Variants in AGAP1 observed in about 807,000 individuals in gnomAD.
AGAP1 encodes the protein arf-GAP with GTPase, ANK repeat and PH domain-containing protein 1.
Under a neutral mutation model 105.3 loss-of-function variants are expected in AGAP1, and 29 were observed. That is an observed-to-expected ratio of 0.28 (90% confidence interval 0.21 to 0.38). The LOEUF is 0.38. AGAP1 is among the 10% of genes least tolerant of loss of function. The probability of loss-of-function intolerance (pLI) is 1.00; values close to 1 mark genes in which losing one functional copy is unlikely to be tolerated. For missense variants in AGAP1, 998 were observed against 1,165.1 expected, an observed-to-expected ratio of 0.86 and a Z score of 2.09; for synonymous variants, 509 against 485.9, an observed-to-expected ratio of 1.05 and a Z score of -0.63.
rs2054049309 is a variant in AGAP1, at chr2:235,958,608, A to T, written c.1484-9854A>T. 6.6e-6 allele frequency among the ~76,000 whole-genome samples: 1 copy of T among 152,138 alleles called. No individual in the cohort carries two copies. On this transcript the variant is annotated intron_variant, in intron 12 of 17. Transcript: ENST00000304032. This position sits in a 1 kb window ranked among gnomAD's most constrained non-coding sequence, Gnocchi z 4.1. The stretch of plus-strand genomic sequence containing the variant: ...CAGCTAATGATCGGCTGGGCAGATA[A>T]TCGGAGGAGAGTTAATTGTAAGGTT...
intron 1 of AGAP1, among the ~76,000 whole-genome samples, chr2:235,534,960 C>T (rs757664153): frequency 7.2e-5 from 11 of 152,166 alleles, no homozygotes; most frequent in Admixed American, 5.9e-4. Context: ...AAGCGAGTGA[C>T]AGTGGGAAGC....
chr2:235,771,209 G>A (rs932332065), intron 6 of AGAP1, among the ~76,000 whole-genome samples: 1 of 152,204 alleles, frequency 6.6e-6, no homozygotes, highest in African/African-American at 2.4e-5. Context: ...AGTTTCTGTT[G>A]GGCCACTGGG....
chr2:236,094,657 G>A (rs929901608), intron 16 of AGAP1, among the ~76,000 whole-genome samples: 13 of 151,922 alleles, frequency 8.6e-5, no homozygotes, highest in African/African-American at 3.1e-4. Context: ...AGTGAGAGCT[G>A]GAGAAATTTT....
intron 1 of AGAP1, among the ~76,000 whole-genome samples, chr2:235,497,798 G>A (rs542296761): frequency 5.3e-5 from 8 of 152,098 alleles, no homozygotes; most frequent in Non-Finnish European, 1.2e-4. Flanking sequence ...GGGTTTCATT[G>A]TGTTAGCCGG....
intron 9 of AGAP1, among the ~76,000 whole-genome samples, chr2:235,838,151 A>T (rs1379673735): frequency 6.6e-6 from 1 of 152,158 alleles, no homozygotes; most frequent in Non-Finnish European, 1.5e-5. Context: ...GTGCCACTGC[A>T]CTCCAGCCTG....
chr2:235,993,820 G>A lies in AGAP1; in HGVS notation c.1645+25197G>A, dbSNP rs1006291701. Among the ~76,000 whole-genome samples the A allele has an allele frequency of 2.0e-5, 3 of 152,146 alleles. No homozygotes were observed. The highest frequency in any genetic ancestry group is 7.2e-5 in the African/African-American group (3 of 41,422). On this transcript the variant is annotated intron_variant, in intron 13 of 17. Coordinates refer to ENST00000304032, the MANE Select transcript of AGAP1 (RefSeq NM_001037131.3). The surrounding 1 kb of genome is among the most constrained non-coding windows in gnomAD (Gnocchi z 5.0). ...CTGGGGAGCACAGGTGTGTCCTCAC[G>A]TGCGCTTGGAGAAAGTGGAGTTTTA...
chr2:235,551,728 T>C lies in AGAP1; in HGVS notation c.163+56879T>C, dbSNP rs1287912172. 1.3e-5 allele frequency among the ~76,000 whole-genome samples: 2 copies of C among 152,222 alleles called. No individual in the cohort carries two copies. Among genetic ancestry groups the C allele is most frequent in the Non-Finnish European group, 2.9e-5 (2 of 68,034 alleles). On this transcript the variant is annotated intron_variant, in intron 1 of 17. Coordinates refer to ENST00000304032, the MANE Select transcript of AGAP1 (RefSeq NM_001037131.3). The surrounding 1 kb of genome is among the most constrained non-coding windows in gnomAD (Gnocchi z 4.8). The stretch of plus-strand genomic sequence containing the variant: ...TGAGCATTTGTGAGTGGAGCATCTT[T>C]AGGGAAAGCAGGACAAACCCTAAAA...
At position 235,659,995 on chromosome 2, in the gene AGAP1, CTCTG is replaced by C. The variant is rs773658442; in HGVS notation, c.164-49179_164-49176del. ...ATGGGCCCCTCAAGGCTGTAGACCC[CTCTG>C]TCTGACCAGCATCCCATTCCCTGAA... On this transcript the variant is annotated intron_variant, in intron 1 of 17. Transcript: ENST00000304032. This position sits in a 1 kb window ranked among gnomAD's most constrained non-coding sequence, Gnocchi z 5.0. Among the ~76,000 whole-genome samples, 1 of 152,250 alleles carries C rather than the reference CTCTG, an allele frequency of 6.6e-6. No homozygotes were observed. The highest frequency in any genetic ancestry group is 1.5e-5 in the Non-Finnish European group (1 of 68,046).
At position 235,574,586 on chromosome 2, in the gene AGAP1, G is replaced by GCTGTT. The variant is rs1255442615; in HGVS notation, c.163+79739_163+79743dup. On this transcript the variant is annotated intron_variant, in intron 1 of 17. Transcript: ENST00000304032. The surrounding 1 kb of genome is among the most constrained non-coding windows in gnomAD (Gnocchi z 5.0). ...TCCTTGATTTGATAGTTTTTACCAG[G>GCTGTT]CTGTTCAAAAAGTCAAGCAGTGTTC... Among the ~76,000 whole-genome samples, 4 of 152,218 alleles carry GCTGTT rather than the reference G, an allele frequency of 2.6e-5. No homozygotes were observed. The highest frequency in any genetic ancestry group is 9.6e-5 in the African/African-American group (4 of 41,540).
chr2:235,750,370 T>C lies in AGAP1; in HGVS notation c.555T>C (p.Ala185=), dbSNP rs1333974951. 25 of 1,614,206 alleles carry C rather than the reference T, an allele frequency of 1.5e-5. No homozygotes were observed. Among genetic ancestry groups the C allele is most frequent in the Non-Finnish European group, 2.1e-5 (25 of 1,180,028 alleles). ...LVGTQDAISS[A]NPRVIDDARA... The stretch of plus-strand genomic sequence containing the variant: ...CTGTTCCAGATGCCATAAGTTCTGC[T>C]AACCCGAGGGTCATCGATGACGCCA... The change falls in exon 6 of 18, where the codon GCT becomes GCC. Residue 185 remains alanine, a synonymous_variant. Transcript: ENST00000304032. This position sits in a 1 kb window ranked among gnomAD's most constrained non-coding sequence, Gnocchi z 5.3.
intron 13 of AGAP1, among the ~76,000 whole-genome samples, chr2:236,022,478 C>T (rs554371019): frequency 1.0e-3 from 158 of 152,164 alleles, no homozygotes; most frequent in Non-Finnish European, 9.0e-4. Context: ...TAAGTATATC[C>T]ATAGGTTTCT....
rs542053704 is a variant in AGAP1 at position 235,564,346 on chromosome 2, G to T, written c.163+69497G>T. 2.0e-5 allele frequency among the ~76,000 whole-genome samples: 3 copies of T among 152,278 alleles called. No individual in the cohort carries two copies. In the East Asian group the frequency reaches 5.8e-4, roughly 29 times the overall value. On this transcript the variant is annotated intron_variant, in intron 1 of 17. Coordinates refer to ENST00000304032, the MANE Select transcript of AGAP1 (RefSeq NM_001037131.3). ...GTGAGCATTATTTGCTGCAGAAATT[G>T]ATTCCTTCTGCCGTACAGTAGGCCA...
Position 235,930,470 on chromosome 2 carries a change from C to T in AGAP1, c.1325-295C>T, listed in dbSNP as rs1316115604. ...TGGGTCTTTTGTCTTCACTTCCACTCGATGTTGCGGTTGCGGTTGGGTTGC... is the reference window on the plus strand; with the variant it reads ...TGGGTCTTTTGTCTTCACTTCCACTTGATGTTGCGGTTGCGGTTGGGTTGC... On this transcript the variant is annotated intron_variant, in intron 11 of 17. Coordinates refer to ENST00000304032, the MANE Select transcript of AGAP1 (RefSeq NM_001037131.3). This position sits in a 1 kb window ranked among gnomAD's most constrained non-coding sequence, Gnocchi z 7.9. Among the ~76,000 whole-genome samples the T allele has an allele frequency of 6.6e-6, 1 of 152,170 alleles. No homozygotes were observed. Among genetic ancestry groups the T allele is most frequent in the African/African-American group, 2.4e-5 (1 of 41,444 alleles).
intron 13 of AGAP1, among the ~76,000 whole-genome samples, chr2:235,995,065 C>CAAAAAA (rs58097220): frequency 1.6e-4 from 10 of 60,962 alleles, no homozygotes; most frequent in East Asian, 6.5e-4. Context: ...GACTCTGTCT[C>CAAAAAA]AAAAAAAAAA....
At chr2:235,825,171 C>T (rs967291737) in intron 9 of AGAP1, among the ~76,000 whole-genome samples, 5 of 152,242 alleles carry the variant, frequency 3.3e-5, no homozygotes, top group Non-Finnish European at 7.3e-5. Flanking sequence ...GCCTCCCAGG[C>T]TTCCTGGATG....
chr2:235,845,678 A>T lies in AGAP1; in HGVS notation c.1051-37667A>T, dbSNP rs548695640. On this transcript the variant is annotated intron_variant, in intron 9 of 17. Coordinates refer to ENST00000304032, the MANE Select transcript of AGAP1 (RefSeq NM_001037131.3). The surrounding 1 kb of genome is among the most constrained non-coding windows in gnomAD (Gnocchi z 4.8). Reference sequence around the variant, plus strand: ...ATCTGCTTGTCTTTGCCTCTCGGTGACATCCACGGAGTCACCCAAGTCACC... The same window carrying T: ...ATCTGCTTGTCTTTGCCTCTCGGTGTCATCCACGGAGTCACCCAAGTCACC... 6.6e-6 allele frequency among the ~76,000 whole-genome samples: 1 copy of T among 151,108 alleles called. No individual in the cohort carries two copies. The highest frequency in any genetic ancestry group is 1.5e-5 in the Non-Finnish European group (1 of 67,790).
intron 3 of AGAP1, among the ~76,000 whole-genome samples, chr2:235,722,556 G>A (rs535969434): frequency 6.6e-6 from 1 of 152,234 alleles, no homozygotes; most frequent in Admixed American, 6.5e-5. Context: ...TGTCATCACA[G>A]TGTTTTCCTG....
At position 235,882,424 on chromosome 2, in the gene AGAP1, G is replaced by T; in HGVS notation, c.1051-921G>T. On this transcript the variant is annotated intron_variant, in intron 9 of 17. Coordinates refer to ENST00000304032, the MANE Select transcript of AGAP1 (RefSeq NM_001037131.3). This position sits in a 1 kb window ranked among gnomAD's most constrained non-coding sequence, Gnocchi z 4.6. ...TTGGTCGGCAGGGTGTTCTTCTCCTGCGTCTCCGTTTTCTTCAGCTTGGCC... is the reference window on the plus strand; with the variant it reads ...TTGGTCGGCAGGGTGTTCTTCTCCTTCGTCTCCGTTTTCTTCAGCTTGGCC... 1 of 1,585,442 alleles carries T rather than the reference G, an allele frequency of 6.3e-7. No individual in the cohort carries two copies. Among genetic ancestry groups the T allele is most frequent in the Non-Finnish European group, 8.6e-7 (1 of 1,157,600 alleles).
Position 235,712,558 on chromosome 2 carries a change from G to T in AGAP1, c.222+3321G>T, listed in dbSNP as rs984183793. On this transcript the variant is annotated intron_variant, in intron 2 of 17. Transcript: ENST00000304032. This position sits in a 1 kb window ranked among gnomAD's most constrained non-coding sequence, Gnocchi z 6.0. The stretch of plus-strand genomic sequence containing the variant: ...ACTCCAACTGGAATTTTTACTAAAA[G>T]CCTTGATTTCCTTTTCAGCAAACCT... 7.2e-5 allele frequency among the ~76,000 whole-genome samples: 11 copies of T among 152,242 alleles called. No individual in the cohort carries two copies. The highest frequency in any genetic ancestry group is 2.6e-4 in the Admixed American group (4 of 15,288).
Sources: allele counts gnomAD v4.1 joint callset (sites outside exome capture counted in the v4.1 genomes callset), GRCh38; gene constraint gnomAD v4.1.1; non-coding constraint Gnocchi (gnomAD v3.1); transcripts MANE v1.5; gene names NCBI Gene and HGNC (gene_info 2026-07-23, HGNC 2026-07-21).